Variants in NRXN1 observed in about 807,000 individuals in gnomAD.
The protein encoded by NRXN1 is neurexin-1.
In NRXN1, 39 loss-of-function variants were observed where a neutral mutation model predicts 150.9. The ratio of observed to expected loss-of-function variants is 0.26; its 90% CI spans 0.20 to 0.34. NRXN1 has a LOEUF of 0.34. NRXN1 is among the 10% of genes least tolerant of loss of function. The probability of loss-of-function intolerance (pLI) is 1.00; values close to 1 mark genes in which losing one functional copy is unlikely to be tolerated. For missense variants in NRXN1, 1,815 were observed against 1,949.9 expected (o/e 0.93, Z 1.30); for synonymous variants, 924 against 757.0 (o/e 1.22, Z -3.62).
At chr2:50,358,051 C>A (rs182422748) in intron 17 of NRXN1, among the ~76,000 whole-genome samples, 15 of 152,134 alleles carry the variant, frequency 9.9e-5, no homozygotes, top group African/African-American at 3.6e-4. Context: ...ATCCAGCCCA[C>A]GCACTAGGCT....
chr2:50,764,928 G>A (rs1049844450), intron 5 of NRXN1, among the ~76,000 whole-genome samples: 1 of 152,034 alleles, frequency 6.6e-6, no homozygotes, highest in African/African-American at 2.4e-5. Context: ...AGATGTTAAA[G>A]ATGTGTTTAT....
At chr2:50,320,538 A>T (rs2075963604) in intron 17 of NRXN1, among the ~76,000 whole-genome samples, 1 of 151,918 alleles carries the variant, frequency 6.6e-6, no homozygotes, top group African/African-American at 2.4e-5. Context: ...GTGACACAGA[A>T]GTTCAAAGCA....
chr2:50,987,183 T>G (rs187576055), intron 2 of NRXN1, among the ~76,000 whole-genome samples: 122 of 152,104 alleles, frequency 8.0e-4, no homozygotes, highest in Non-Finnish European at 1.3e-3. Context: ...TTAATAGTTC[T>G]TCATATGTTG....
chr2:50,824,062 C>A (rs116455312), intron 5 of NRXN1, among the ~76,000 whole-genome samples: 145 of 152,190 alleles, frequency 9.5e-4, no homozygotes, highest in African/African-American at 3.3e-3. Flanking sequence ...GATTATAGAG[C>A]AGGATTTGCT....
intron 17 of NRXN1, among the ~76,000 whole-genome samples, chr2:50,382,675 C>T (rs1415512170): frequency 2.0e-5 from 3 of 152,104 alleles, no homozygotes; most frequent in Middle Eastern, 3.2e-3. Context: ...AACTCCAAAG[C>T]GGAAGGAAAA....
At chr2:50,373,554 T>C (rs1331513392) in intron 17 of NRXN1, among the ~76,000 whole-genome samples, 1 of 147,944 alleles carries the variant, frequency 6.8e-6, no homozygotes, top group Non-Finnish European at 1.5e-5. Context: ...GGTGATTTAA[T>C]TCAATTTTTA....
At chr2:50,123,711 A>G (rs555840731) in intron 18 of NRXN1, among the ~76,000 whole-genome samples, 1 of 152,280 alleles carries the variant, frequency 6.6e-6, no homozygotes, top group South Asian at 2.1e-4. Flanking sequence ...ACATTATGGT[A>G]GAGGCAATGA....
At chr2:50,757,289 G>A (rs1199990044) in intron 5 of NRXN1, among the ~76,000 whole-genome samples, 1 of 151,782 alleles carries the variant, frequency 6.6e-6, no homozygotes, top group Non-Finnish European at 1.5e-5. Context: ...GCCACACAGA[G>A]AGTGAGGCAT....
chr2:50,755,459 T>C (rs1701055983), intron 5 of NRXN1, among the ~76,000 whole-genome samples: 1 of 151,818 alleles, frequency 6.6e-6, no homozygotes, highest in Non-Finnish European at 1.5e-5. Flanking sequence ...ACCAAGCTCC[T>C]TCCCAAGGAA....
intron 17 of NRXN1, among the ~76,000 whole-genome samples, chr2:50,389,418 T>C (rs1283771785): frequency 6.6e-6 from 1 of 151,538 alleles, no homozygotes; most frequent in Non-Finnish European, 1.5e-5. Context: ...ATACAAGCTA[T>C]TTAACCAATA....
intron 2 of NRXN1, among the ~76,000 whole-genome samples, chr2:50,974,416 G>A (rs1695506170): frequency 6.6e-6 from 1 of 152,126 alleles, no homozygotes; most frequent in Non-Finnish European, 1.5e-5. Context: ...AAGAAAAGAG[G>A]TCATGATTTG....
intron 5 of NRXN1, among the ~76,000 whole-genome samples, chr2:50,896,956 A>G (rs908010694): frequency 6.6e-6 from 1 of 152,234 alleles, no homozygotes; most frequent in Admixed American, 6.5e-5. Context: ...CAGCGCCCTG[A>G]GATGGCAGGA....
chr2:50,444,539 C>T (rs984757866), intron 17 of NRXN1, among the ~76,000 whole-genome samples: 2 of 152,062 alleles, frequency 1.3e-5, no homozygotes, highest in Admixed American at 6.6e-5. Flanking sequence ...TGCCTCTACT[C>T]GAATTACGTG....
chr2:50,289,387 T>C (rs2072613403), intron 17 of NRXN1, among the ~76,000 whole-genome samples: 1 of 152,062 alleles, frequency 6.6e-6, no homozygotes, highest in Non-Finnish European at 1.5e-5. Context: ...CCCCTCTAAG[T>C]CACTTATGCA....
chr2:50,106,544 T>C (rs1701670718), intron 18 of NRXN1, among the ~76,000 whole-genome samples: 1 of 151,970 alleles, frequency 6.6e-6, no homozygotes, highest in South Asian at 2.1e-4. Flanking sequence ...GACAGGTGAC[T>C]AAGAGATGTG....
intron 18 of NRXN1, among the ~76,000 whole-genome samples, chr2:50,206,860 C>T (rs1399511730): frequency 1.4e-5 from 2 of 147,236 alleles, no homozygotes; most frequent in South Asian, 2.1e-4. Flanking sequence ...TGTGTATATA[C>T]ACACACACAC....
At chr2:49,972,453 T>G (rs1318377999) in intron 21 of NRXN1, among the ~76,000 whole-genome samples, 1 of 152,176 alleles carries the variant, frequency 6.6e-6, no homozygotes, top group Non-Finnish European at 1.5e-5. Context: ...GCTCTAAACA[T>G]TTTCAGAATT....
intron 22 of NRXN1, among the ~76,000 whole-genome samples, chr2:49,923,234 T>G (rs1668531901): frequency 1.3e-5 from 2 of 152,162 alleles, no homozygotes; most frequent in Admixed American, 1.3e-4. Context: ...TTCCCCTATA[T>G]ATAATAAACT....
intron 17 of NRXN1, among the ~76,000 whole-genome samples, chr2:50,344,632 C>G (rs1363993215): frequency 1.3e-5 from 2 of 152,178 alleles, no homozygotes; most frequent in Non-Finnish European, 2.9e-5. Flanking sequence ...CAGAGACAAT[C>G]ACTGTATTCT....
Sources: allele counts gnomAD v4.1 joint callset (sites outside exome capture counted in the v4.1 genomes callset), GRCh38; gene constraint gnomAD v4.1.1; transcripts MANE v1.5; gene names NCBI Gene and HGNC (gene_info 2026-07-23, HGNC 2026-07-21).